The following NINL variants were observed in gnomAD, a reference collection of about 807,000 sequenced individuals.
NINL encodes the protein ninein like, also known as ninein-like protein.
NINL carries 153 observed loss-of-function variants against 160.3 expected under a neutral mutation model. That is an observed-to-expected ratio of 0.95 (90% confidence interval 0.84 to 1.09). The LOEUF (loss-of-function observed/expected upper bound fraction) is 1.09, where lower values mean the gene tolerates loss of function less well. Among genes scored for constraint, NINL ranks in the 50% least tolerant of loss-of-function variants. The pLI is 0.00. For synonymous variants in NINL, 800 were observed against 734.8 expected, an observed-to-expected ratio of 1.09 and a Z score of -1.43; for missense variants, 1,829 against 1,764.0, an observed-to-expected ratio of 1.04 and a Z score of -0.66.
chr20:25,496,547 G>A lies in NINL; in HGVS notation c.1310+116C>T, dbSNP rs1349248940. On this transcript the variant is annotated intron_variant, in intron 10 of 23. Coordinates refer to ENST00000278886, the MANE Select transcript of NINL (RefSeq NM_025176.6). The stretch of plus-strand genomic sequence containing the variant: ...CCCCTGACTCAGGTGAAATAGGGGG[G>A]TCTCCACTGAGCCACACCCGCAGCT... 63 of 1,248,522 alleles carry A rather than the reference G, an allele frequency of 5.0e-5. No individual in the cohort carries two copies. In the Admixed American group the frequency reaches 8.6e-4, roughly 17 times the overall value. The allele number at this position is 1,248,522 out of a possible 1,614,324, so 77.3% of individuals were successfully genotyped here. A position where few individuals can be genotyped will look rare whatever the true frequency, so the allele number is the denominator to read the frequency against.
chr20:25,492,497 G>A (rs918939929), intron 10 of NINL, among the ~76,000 whole-genome samples: 16 of 152,014 alleles, frequency 1.1e-4, no homozygotes, highest in Non-Finnish European at 2.4e-4. Context: ...TGTCGCCCAG[G>A]CTGGAGTGCA....
At chr20:25,565,564 G>A (rs959227343) in intron 1 of NINL, among the ~76,000 whole-genome samples, 1 of 152,146 alleles carries the variant, frequency 6.6e-6, no homozygotes, top group Non-Finnish European at 1.5e-5. Context: ...CACATCAACA[G>A]GGCTGTAGTA....
At chr20:25,585,380 C>G (rs1438179553) in intron 1 of NINL, 75 bp downstream of exon 1, 1 of 152,116 alleles carries the variant, frequency 6.6e-6, no homozygotes, top group South Asian at 2.1e-4. Flanking sequence ...GCGCGGGTCG[C>G]GACGCAGGGG....
chr20:25,463,851 A>G (rs1279986395), intron 19 of NINL, among the ~76,000 whole-genome samples: 1 of 152,238 alleles, frequency 6.6e-6, no homozygotes, highest in Non-Finnish European at 1.5e-5. Flanking sequence ...TTCCTTGCAA[A>G]TTAACCTCAC....
intron 19 of NINL, among the ~76,000 whole-genome samples, chr20:25,464,576 C>G (rs541216832): frequency 2.6e-5 from 4 of 152,326 alleles, no homozygotes; most frequent in Non-Finnish European, 5.9e-5. Flanking sequence ...TGCTTTGCCC[C>G]CTACACACAC....
At chr20:25,544,454 T>C (rs2064708945) in intron 1 of NINL, among the ~76,000 whole-genome samples, 1 of 152,168 alleles carries the variant, frequency 6.6e-6, no homozygotes. Context: ...AAGAACACAT[T>C]TGCACGTGAC....
intron 1 of NINL, among the ~76,000 whole-genome samples, chr20:25,583,774 C>A (rs145638489): frequency 0.032 from 4,902 of 152,284 alleles, 242 homozygotes; most frequent in African/African-American, 0.11. Context: ...TACAGATACA[C>A]CATGGAATAC....
intron 1 of NINL, among the ~76,000 whole-genome samples, chr20:25,576,521 G>C (rs1352696757): frequency 6.6e-6 from 1 of 152,146 alleles, no homozygotes; most frequent in East Asian, 1.9e-4. Context: ...GTGCGGTGGT[G>C]CATCCCCACT....
At chr20:25,563,101 G>T (rs1245324123) in intron 1 of NINL, among the ~76,000 whole-genome samples, 4 of 152,344 alleles carry the variant, frequency 2.6e-5, no homozygotes, top group Non-Finnish European at 5.9e-5. Context: ...GGGAGGTGGA[G>T]CTTGGAGTGA....
At chr20:25,484,913 C>T (rs2063476801) in intron 13 of NINL, among the ~76,000 whole-genome samples, 1 of 152,082 alleles carries the variant, frequency 6.6e-6, no homozygotes, top group South Asian at 2.1e-4. Flanking sequence ...AGCAGAGAAA[C>T]CAGGCGACAC....
intron 21 of NINL, chr20:25,458,873 A>T (rs1689038459): frequency 7.6e-6 from 2 of 262,100 alleles, no homozygotes; most frequent in Admixed American, 1.0e-4. Context: ...CGACCACGCC[A>T]GTTCTCCTTT....
chr20:25,555,775 A>T (rs1326528232), intron 1 of NINL, among the ~76,000 whole-genome samples: 1 of 152,158 alleles, frequency 6.6e-6, no homozygotes, highest in Non-Finnish European at 1.5e-5. Context: ...CCCGGGTTCA[A>T]GCGATTCTCG....
intron 6 of NINL, 42 bp downstream of exon 6, chr20:25,504,846 T>C (rs752973292): frequency 3.1e-6 from 5 of 1,599,950 alleles, no homozygotes; most frequent in Non-Finnish European, 4.3e-6. Context: ...ACCGTGACCA[T>C]GGCCAGGAAT....
intron 7 of NINL, among the ~76,000 whole-genome samples, chr20:25,502,806 T>C (rs1411488296): frequency 6.6e-6 from 1 of 152,274 alleles, no homozygotes; most frequent in East Asian, 1.9e-4. Context: ...CCTTCTGCCA[T>C]GATTGTAAGC....
At chr20:25,498,151 C>A (rs1281769500) in intron 9 of NINL, 59 bp downstream of exon 9, 30 of 1,598,626 alleles carry the variant, frequency 1.9e-5, no homozygotes, top group Non-Finnish European at 2.6e-5. Flanking sequence ...CCAGACCCCC[C>A]TCCAGGCCCA....
rs1159679759 is a variant in NINL at position 25,458,368 on chromosome 20, T to C, written c.3843+15A>G. 6.2e-7 allele frequency: 1 copy of C among 1,605,068 alleles called. No individual in the cohort carries two copies. Among genetic ancestry groups the C allele is most frequent in the Admixed American group, 1.7e-5 (1 of 60,020 alleles). ...CCTCATCTCGTCAGCCATCTCTCGC[T>C]GCATCCCCACTTACCCGCTGTGCAT... On this transcript the variant is annotated intron_variant, in intron 22 of 23. Transcript: ENST00000278886.
intron 2 of NINL, 86 bp from the exon 3 acceptor site, chr20:25,517,935 A>T: frequency 1.4e-6 from 1 of 720,880 alleles, no homozygotes; most frequent in Non-Finnish European, 2.2e-6. Context: ...TTTCTCTCAG[A>T]TAGAAATATA....
At chr20:25,561,524 T>C in intron 1 of NINL, among the ~76,000 whole-genome samples, 2 of 147,544 alleles carry the variant, frequency 1.4e-5, no homozygotes, top group African/African-American at 2.5e-5. Flanking sequence ...CCCCTCTGCC[T>C]GGCTGCCCAG....
At chr20:25,521,472 T>C (rs2064262115) in intron 2 of NINL, among the ~76,000 whole-genome samples, 1 of 152,230 alleles carries the variant, frequency 6.6e-6, no homozygotes, top group South Asian at 2.1e-4. Flanking sequence ...ATCTGTCTTG[T>C]TTGTTTGCCC....
Sources: gnomAD v4.1 joint callset for allele counts (sites outside exome capture counted in the v4.1 genomes callset) on GRCh38, gnomAD v4.1.1 for gene constraint, MANE v1.5 for transcripts, NCBI Gene and HGNC (gene_info 2026-07-23, HGNC 2026-07-21) for gene names.